Variants in SHANK2 observed in about 807,000 individuals in gnomAD.
SHANK2 encodes the protein SH3 and multiple ankyrin repeat domains protein 2.
In SHANK2, 43 loss-of-function variants were observed where a neutral mutation model predicts 133.7. The observed-to-expected ratio is 0.32, with a 90% CI of 0.25 to 0.41. The LOEUF is 0.41. Ranked by LOEUF, SHANK2 falls within the 10% of genes least tolerant of loss-of-function variation. SHANK2 has a pLI of 1.00. For missense variants in SHANK2, 1,994 were observed against 2,235.8 expected (o/e 0.89, Z 2.18); for synonymous variants, 1,017 against 952.8 (o/e 1.07, Z -1.24).
chr11:71,058,617 C>T (rs1045785423), intron 9 of SHANK2, among the ~76,000 whole-genome samples: 2 of 152,268 alleles, frequency 1.3e-5, no homozygotes, highest in African/African-American at 4.8e-5. Flanking sequence ...GGGGCACCTT[C>T]TCCTACAGGA....
intron 14 of SHANK2, among the ~76,000 whole-genome samples, chr11:70,780,818 C>T (rs1238394300): frequency 6.6e-6 from 1 of 152,122 alleles, no homozygotes; most frequent in East Asian, 1.9e-4. Flanking sequence ...AGGTGATCTG[C>T]CTGCCTCGTC....
intron 17 of SHANK2, among the ~76,000 whole-genome samples, chr11:70,555,437 T>A (rs1198699501): frequency 6.6e-6 from 1 of 152,244 alleles, no homozygotes; most frequent in East Asian, 1.9e-4. Context: ...GGAAAAGATC[T>A]AGAAGGAAAT....
chr11:70,531,111 T>C (rs1554973077), intron 17 of SHANK2, among the ~76,000 whole-genome samples: 1 of 124,878 alleles, frequency 8.0e-6, no homozygotes, highest in East Asian at 2.3e-4. Flanking sequence ...TGAGCCAAGA[T>C]GGCACCACTG....
chr11:70,547,837 C>T (rs1294889155), intron 17 of SHANK2, among the ~76,000 whole-genome samples: 3 of 152,216 alleles, frequency 2.0e-5, no homozygotes, highest in Non-Finnish European at 2.9e-5. Flanking sequence ...TAGACACAAT[C>T]GAGACAGAGA....
chr11:71,186,795 A>G (rs113214507), intron 2 of SHANK2, among the ~76,000 whole-genome samples: 4,642 of 152,314 alleles, frequency 0.03, 105 homozygotes, highest in African/African-American at 0.062. Flanking sequence ...TAACTAGAAA[A>G]GGTTGTAGGA....
At chr11:70,582,983 C>T (rs769829459) in intron 17 of SHANK2, among the ~76,000 whole-genome samples, 22 of 152,308 alleles carry the variant, frequency 1.4e-4, no homozygotes, top group Admixed American at 7.2e-4. Context: ...AGGCTTGCAG[C>T]AGGCTCGTGG....
At chr11:70,945,189 C>A (rs1281477206) in intron 10 of SHANK2, among the ~76,000 whole-genome samples, 3 of 152,134 alleles carry the variant, frequency 2.0e-5, no homozygotes, top group Non-Finnish European at 4.4e-5. Flanking sequence ...AAGGACTTCC[C>A]TCGGGGTGCT....
chr11:71,147,119 C>T lies in SHANK2; in HGVS notation c.207+1G>A. On this transcript the variant is annotated splice_donor_variant, in intron 3 of 25. Transcript: ENST00000601538. LOFTEE classifies it high-confidence loss of function. ...ACCAAAGGGCAGACCACGGGGCTCA[C>T]CGTCTGCTGCAGGTCATGGATGACC... is the stretch of plus-strand genomic sequence containing the variant. The T allele has an allele frequency of 6.5e-7, 1 of 1,545,432 alleles. No individual in the cohort carries two copies. The highest frequency in any genetic ancestry group is 8.7e-7 in the Non-Finnish European group (1 of 1,145,610).
intron 14 of SHANK2, among the ~76,000 whole-genome samples, chr11:70,730,183 C>G (rs1555031777): frequency 7.2e-6 from 1 of 139,044 alleles, no homozygotes; most frequent in East Asian, 2.1e-4. Context: ...AGCATGAGGC[C>G]CCAGGAGCTG....
chr11:70,720,101 G>A (rs782482444), intron 14 of SHANK2, among the ~76,000 whole-genome samples: 31 of 152,154 alleles, frequency 2.0e-4, no homozygotes, highest in African/African-American at 6.8e-4. Context: ...CAGAACCATC[G>A]GACCGCTGGA....
At chr11:71,223,219 G>A (rs1312726858) in intron 2 of SHANK2, among the ~76,000 whole-genome samples, 1 of 152,194 alleles carries the variant, frequency 6.6e-6, no homozygotes, top group Non-Finnish European at 1.5e-5. Context: ...GCCAGGACCA[G>A]GGTAGTCCTG....
At chr11:70,887,196 C>T (rs555351362) in intron 11 of SHANK2, among the ~76,000 whole-genome samples, 21 of 152,302 alleles carry the variant, frequency 1.4e-4, no homozygotes, top group East Asian at 7.7e-4. Flanking sequence ...CAGAAGCCAT[C>T]GTCCAGGCTC....
At chr11:70,593,300 T>C (rs2060352392) in intron 17 of SHANK2, among the ~76,000 whole-genome samples, 1 of 152,258 alleles carries the variant, frequency 6.6e-6, no homozygotes, top group South Asian at 2.1e-4. Flanking sequence ...TAAATGAATG[T>C]TGCATTTAAC....
intron 2 of SHANK2, among the ~76,000 whole-genome samples, chr11:71,215,385 T>C (rs1052338646): frequency 5.2e-4 from 79 of 152,202 alleles, no homozygotes; most frequent in African/African-American, 1.6e-3. Flanking sequence ...GCTTTGTGTC[T>C]CCCATGAAGC....
chr11:71,060,467 G>A (rs1052406013), intron 9 of SHANK2, among the ~76,000 whole-genome samples: 176 of 152,356 alleles, frequency 1.2e-3, no homozygotes, highest in African/African-American at 3.7e-3. Flanking sequence ...CTCAAGGGGG[G>A]ACGCCAAGCC....
intron 17 of SHANK2, among the ~76,000 whole-genome samples, chr11:70,545,698 C>T (rs1225241863): frequency 6.6e-6 from 1 of 152,244 alleles, no homozygotes; most frequent in Non-Finnish European, 1.5e-5. Flanking sequence ...CTAATCCCTG[C>T]CAGCTGGGTG....
intron 11 of SHANK2, among the ~76,000 whole-genome samples, chr11:70,876,601 A>ACACACACACG (rs879996872): frequency 0.018 from 2,729 of 150,398 alleles, 48 homozygotes; most frequent in Non-Finnish European, 0.03. Flanking sequence ...ACACACACAC[A>ACACACACACG]CACACACACG....
chr11:70,803,341 T>TCCAC (rs1948092573), intron 13 of SHANK2, among the ~76,000 whole-genome samples: 1 of 151,118 alleles, frequency 6.6e-6, no homozygotes, highest in African/African-American at 2.4e-5. Context: ...CATCTACCCA[T>TCCAC]CCATCCATTT....
intron 17 of SHANK2, among the ~76,000 whole-genome samples, chr11:70,575,915 C>T (rs907850108): frequency 1.3e-5 from 2 of 151,920 alleles, no homozygotes; most frequent in South Asian, 2.1e-4. Flanking sequence ...ACGGCAGAAT[C>T]CCCTGGGCCG....
Sources: gnomAD v4.1 joint callset for allele counts (sites outside exome capture counted in the v4.1 genomes callset) on GRCh38, gnomAD v4.1.1 for gene constraint, MANE v1.5 for transcripts, NCBI Gene and HGNC (gene_info 2026-07-23, HGNC 2026-07-21) for gene names.